The following PCDHA7 variants were observed in gnomAD, a reference collection of about 807,000 sequenced individuals.
The protein encoded by PCDHA7 is protocadherin alpha 7.
Under a neutral mutation model 57.2 loss-of-function variants are expected in PCDHA7, and 37 were observed. The ratio of observed to expected loss-of-function variants is 0.65; its 90% CI spans 0.50 to 0.85. The LOEUF is 0.85. PCDHA7 is among the 40% of genes least tolerant of loss of function. The pLI, the probability that PCDHA7 is intolerant of heterozygous loss-of-function variation, is 0.00. For synonymous variants in PCDHA7, 553 were observed against 558.8 expected (o/e 0.99, Z 0.15); for missense variants, 1,188 against 1,241.8 (o/e 0.96, Z 0.65).
intron 1 of PCDHA7, chr5:140,881,315 A>G: frequency 1.0e-6 from 1 of 981,768 alleles, no homozygotes; most frequent in Non-Finnish European, 1.2e-6. Flanking sequence ...TCCTGGTTAA[A>G]TTCTATTTAA....
In PCDHA7 at chr5:140,843,229, C is replaced by T. The variant is rs2150355539; in HGVS notation, c.2355+6491C>T. ...CGGGCGAGATCAGCACCACTCGTGT[C>T]CTGGACGAAGCGGACTCTCCGCGCC... is the stretch of plus-strand genomic sequence containing the variant. On this transcript the variant is annotated intron_variant, in intron 1 of 3. Transcript: ENST00000525929. The T allele has an allele frequency of 3.8e-6, 6 of 1,596,144 alleles. 1 individual carries two copies. Among genetic ancestry groups the T allele is most frequent in the East Asian group, 4.5e-5 (2 of 44,818 alleles).
chr5:141,009,557 C>T (rs782135260), intron 3 of PCDHA7, 70 bp from the exon 4 acceptor site: 38 of 1,565,272 alleles, frequency 2.4e-5, no homozygotes, highest in Non-Finnish European at 2.8e-5. Flanking sequence ...TACTCCTGTA[C>T]TCTACCAGCA....
intron 1 of PCDHA7, among the ~76,000 whole-genome samples, chr5:140,923,304 G>A (rs933906504): frequency 6.6e-6 from 1 of 152,172 alleles, no homozygotes; most frequent in African/African-American, 2.4e-5. Context: ...TGGGCGTGGG[G>A]GCGCTTGGCC....
At chr5:140,932,413 A>G (rs2088287956) in intron 1 of PCDHA7, among the ~76,000 whole-genome samples, 1 of 151,930 alleles carries the variant, frequency 6.6e-6, no homozygotes, top group Admixed American at 6.6e-5. Flanking sequence ...ATGTTATATT[A>G]GTGTATTGTT....
chr5:140,883,484 T>C, intron 1 of PCDHA7: 1 of 1,614,066 alleles, frequency 6.2e-7, no homozygotes, highest in Non-Finnish European at 8.5e-7. Flanking sequence ...GAACTACTAC[T>C]CATTAGTGCT....
At chr5:141,000,421 ATTT>A (rs34755515) in intron 3 of PCDHA7, among the ~76,000 whole-genome samples, 361 of 27,888 alleles carry the variant, frequency 0.013, no homozygotes, top group East Asian at 0.018. Context: ...ATATATATAT[ATTT>A]TTTTTTTTTT....
At chr5:140,916,321 C>T (rs1302078048) in intron 1 of PCDHA7, among the ~76,000 whole-genome samples, 1 of 152,160 alleles carries the variant, frequency 6.6e-6, no homozygotes, top group Non-Finnish European at 1.5e-5. Flanking sequence ...AGACAAAGTC[C>T]CCTTTACTTT....
chr5:140,863,163 G>A (rs1554157882), intron 1 of PCDHA7: 4 of 658,702 alleles, frequency 6.1e-6, no homozygotes, highest in Non-Finnish European at 1.1e-5. Flanking sequence ...ACTGCGAGCT[G>A]GCGCTGACTG....
chr5:140,927,918 CCTGA>C, intron 1 of PCDHA7: 1 of 1,614,220 alleles, frequency 6.2e-7, no homozygotes, highest in Non-Finnish European at 8.5e-7. Context: ...AACTGGACTT[CCTGA>C]CTCTTTCGAA....
At chr5:140,985,391 C>T (rs2097149590) in intron 3 of PCDHA7, among the ~76,000 whole-genome samples, 1 of 152,136 alleles carries the variant, frequency 6.6e-6, no homozygotes, top group Non-Finnish European at 1.5e-5. Context: ...TCCAGTCACC[C>T]CAACTGTTCC....
chr5:140,923,133 G>T (rs1177084353), intron 1 of PCDHA7, among the ~76,000 whole-genome samples: 3 of 152,082 alleles, frequency 2.0e-5, no homozygotes, highest in African/African-American at 7.2e-5. Context: ...ACACTTTGAA[G>T]GTGGAATATA....
chr5:140,847,032 A>C (rs1780821706), intron 1 of PCDHA7, among the ~76,000 whole-genome samples: 1 of 149,836 alleles, frequency 6.7e-6, no homozygotes. Context: ...GAAAGAGAAA[A>C]CATAAGGAAA....
At chr5:140,909,624 G>A (rs2074611325) in intron 1 of PCDHA7, among the ~76,000 whole-genome samples, 1 of 152,092 alleles carries the variant, frequency 6.6e-6, no homozygotes, top group African/African-American at 2.4e-5. Context: ...GCTCTAATTG[G>A]TCTTCCTATT....
chr5:140,922,989 G>A (rs2081104632), intron 1 of PCDHA7, among the ~76,000 whole-genome samples: 1 of 152,214 alleles, frequency 6.6e-6, no homozygotes, highest in Non-Finnish European at 1.5e-5. Context: ...CAATAGGCAA[G>A]CCATGAGAAT....
intron 1 of PCDHA7, chr5:140,864,535 C>G (rs535465437): frequency 1.3e-5 from 2 of 152,242 alleles, no homozygotes; most frequent in South Asian, 2.1e-4. Flanking sequence ...TAATTTTTGT[C>G]TTCAATCTTC....
intron 1 of PCDHA7, chr5:140,871,259 C>A (rs1554165338): frequency 3.1e-6 from 5 of 1,613,958 alleles, no homozygotes; most frequent in Non-Finnish European, 4.2e-6. Context: ...CTGTATACGG[C>A]GCTGTGGTGG....
At chr5:140,891,078 T>G (rs1554184657) in intron 1 of PCDHA7, among the ~76,000 whole-genome samples, 1 of 152,198 alleles carries the variant, frequency 6.6e-6, no homozygotes, top group Admixed American at 6.6e-5. Flanking sequence ...CAGTGTCTAC[T>G]GGTTTCCATT....
At chr5:140,976,454 G>A (rs550788004) in intron 1 of PCDHA7, among the ~76,000 whole-genome samples, 18 of 152,214 alleles carry the variant, frequency 1.2e-4, no homozygotes, top group South Asian at 2.1e-4. Flanking sequence ...GGGAGGCTGG[G>A]GAAGAAGAAT....
At chr5:140,838,065 T>TTATA (rs144773480) in intron 1 of PCDHA7, among the ~76,000 whole-genome samples, 2 of 113,460 alleles carry the variant, frequency 1.8e-5, no homozygotes, top group Admixed American at 1.8e-4. Context: ...CCACTTTAAG[T>TTATA]TATATATATA....
Sources: gnomAD v4.1 joint callset for allele counts (sites outside exome capture counted in the v4.1 genomes callset) on GRCh38, gnomAD v4.1.1 for gene constraint, MANE v1.5 for transcripts, NCBI Gene and HGNC (gene_info 2026-07-23, HGNC 2026-07-21) for gene names.